Variants in BCKDHB observed in about 807,000 individuals in gnomAD.
The protein encoded by BCKDHB is 2-oxoisovalerate dehydrogenase subunit beta, mitochondrial.
In BCKDHB, 41 loss-of-function variants were observed where a neutral mutation model predicts 48.5. That is an observed-to-expected ratio of 0.85 (90% confidence interval 0.66 to 1.10). The LOEUF (loss-of-function observed/expected upper bound fraction) is 1.10. Among genes scored for constraint, BCKDHB ranks in the 50% least tolerant of loss-of-function variants. The pLI is 0.00. For synonymous variants in BCKDHB, 201 were observed against 174.8 expected, an observed-to-expected ratio of 1.15 and a Z score of -1.18; for missense variants, 496 against 494.2, an observed-to-expected ratio of 1.00 and a Z score of -0.03.
chr6:80,432,329 G>T, the BCKDHB span, among the ~76,000 whole-genome samples: 1 of 152,270 alleles, frequency 6.6e-6, no homozygotes, highest in Admixed American at 6.5e-5. Context: ...ACCAAATGTA[G>T]ATTTGGTCTT....
chr6:80,273,214 C>T lies in BCKDHB; in HGVS notation c.1031C>T (p.Thr344Ile), dbSNP rs761138547. ...GGCTTTGCATCGGAAATCAGCTCTA[C>T]AGTTCAGGTAGAGTAATTTTTGGAA... ...TGGFASEISS[T>I]VQEECFLNLE... Residue 344 changes from threonine to isoleucine, a missense_variant, in exon 9 of 10, where the codon ACA (threonine) becomes ATA (isoleucine). Thr to Ile is a moderately conservative substitution (Grantham distance 89). Transcript: ENST00000320393. 4.4e-5 allele frequency: 71 copies of T among 1,613,124 alleles called. No individual in the cohort carries two copies. The highest frequency in any genetic ancestry group is 5.6e-5 in the Non-Finnish European group (66 of 1,179,424).
At chr6:80,358,981 G>C in the BCKDHB span, among the ~76,000 whole-genome samples, 1 of 152,170 alleles carries the variant, frequency 6.6e-6, no homozygotes, top group South Asian at 2.1e-4. Flanking sequence ...CAATCACTCT[G>C]AGAGGGCCCC....
chr6:80,116,983 A>G (rs1769740273), intron 1 of BCKDHB, among the ~76,000 whole-genome samples: 1 of 152,220 alleles, frequency 6.6e-6, no homozygotes. Context: ...AGGAGAATAA[A>G]TAACTCTAAG....
At chr6:80,411,506 CAG>C in the BCKDHB span, among the ~76,000 whole-genome samples, 1 of 152,352 alleles carries the variant, frequency 6.6e-6, no homozygotes, top group Middle Eastern at 3.4e-3. Context: ...AGCTGTCAGA[CAG>C]GGACGTTAAA....
At chr6:80,384,576 C>G in the BCKDHB span, among the ~76,000 whole-genome samples, 1 of 152,000 alleles carries the variant, frequency 6.6e-6, no homozygotes, top group Admixed American at 6.6e-5. Context: ...CCACGCTGGT[C>G]TTGAACTCCT....
At chr6:80,175,745 TAGTC>T (rs375334956) in intron 6 of BCKDHB, among the ~76,000 whole-genome samples, 38 of 152,318 alleles carry the variant, frequency 2.5e-4, no homozygotes, top group African/African-American at 8.4e-4. Context: ...ATTGTGGTAA[TAGTC>T]AGGGTTTGAT....
At chr6:80,315,864 C>T (rs570607068) in intron 9 of BCKDHB, among the ~76,000 whole-genome samples, 1 of 152,232 alleles carries the variant, frequency 6.6e-6, no homozygotes, top group South Asian at 2.1e-4. Flanking sequence ...ATATGTAAAG[C>T]ACCTACCACA....
At chr6:80,246,861 A>G (rs968824926) in intron 8 of BCKDHB, among the ~76,000 whole-genome samples, 2 of 151,990 alleles carry the variant, frequency 1.3e-5, no homozygotes, top group African/African-American at 2.4e-5. Flanking sequence ...ACACACATAC[A>G]TAGACAAACT....
At chr6:80,196,407 G>A (rs964994717) in intron 6 of BCKDHB, among the ~76,000 whole-genome samples, 1 of 152,048 alleles carries the variant, frequency 6.6e-6, no homozygotes, top group Non-Finnish European at 1.5e-5. Context: ...ACCTATCCCT[G>A]TAACCGAGTT....
At chr6:80,398,024 A>G in the BCKDHB span, among the ~76,000 whole-genome samples, 2 of 152,242 alleles carry the variant, frequency 1.3e-5, no homozygotes. Context: ...AAGTTATTTT[A>G]TACTACTGAG....
chr6:80,352,189 G>A, the BCKDHB span, among the ~76,000 whole-genome samples: 2,036 of 151,244 alleles, frequency 0.013, 60 homozygotes, highest in African/African-American at 0.046. Context: ...ATGTTGCCCA[G>A]GCTGGTCTTA....
chr6:80,136,483 A>G (rs150340498), intron 3 of BCKDHB, among the ~76,000 whole-genome samples: 3 of 152,182 alleles, frequency 2.0e-5, no homozygotes, highest in Admixed American at 1.3e-4. Context: ...CACAGACTTA[A>G]ATGTAAAACT....
intron 2 of BCKDHB, among the ~76,000 whole-genome samples, chr6:80,128,702 CT>C (rs1300390078): frequency 2.4e-4 from 37 of 152,276 alleles, no homozygotes; most frequent in African/African-American, 8.9e-4. Context: ...CTCTAGCTTT[CT>C]GACTTGGCCA....
intron 9 of BCKDHB, among the ~76,000 whole-genome samples, chr6:80,290,580 C>T (rs1050697410): frequency 1.3e-5 from 2 of 152,198 alleles, no homozygotes; most frequent in Non-Finnish European, 2.9e-5. Context: ...ATTGAGACTA[C>T]AGCACCAAAA....
intron 8 of BCKDHB, among the ~76,000 whole-genome samples, chr6:80,243,634 G>A (rs1306732457): frequency 6.6e-6 from 1 of 152,110 alleles, no homozygotes; most frequent in African/African-American, 2.4e-5. Flanking sequence ...CAGAGCTCAA[G>A]CAGTCTTCCC....
chr6:80,310,083 CT>C (rs57078654), intron 9 of BCKDHB, among the ~76,000 whole-genome samples: 407 of 142,142 alleles, frequency 2.9e-3, no homozygotes, highest in Middle Eastern at 7.7e-3. Flanking sequence ...ACAACATTTT[CT>C]TTTTTTTTTT....
At chr6:80,405,380 TTAC>T in the BCKDHB span, among the ~76,000 whole-genome samples, 1 of 152,172 alleles carries the variant, frequency 6.6e-6, no homozygotes, top group Non-Finnish European at 1.5e-5. Flanking sequence ...TCTATTTGAT[TTAC>T]TATCTTTATT....
At chr6:80,204,726 A>G (rs1339968906) in intron 8 of BCKDHB, among the ~76,000 whole-genome samples, 1 of 152,116 alleles carries the variant, frequency 6.6e-6, no homozygotes, top group Non-Finnish European at 1.5e-5. Flanking sequence ...GCTTATTGTA[A>G]AGCACAAGTA....
At chr6:80,302,872 G>T (rs1469217081) in intron 9 of BCKDHB, among the ~76,000 whole-genome samples, 1 of 152,058 alleles carries the variant, frequency 6.6e-6, no homozygotes, top group Admixed American at 6.6e-5. Flanking sequence ...AACAAACATT[G>T]CAATATGAAC....
Sources: allele counts gnomAD v4.1 joint callset (sites outside exome capture counted in the v4.1 genomes callset), GRCh38; gene constraint gnomAD v4.1.1; transcripts MANE v1.5; gene names NCBI Gene and HGNC (gene_info 2026-07-23, HGNC 2026-07-21).